Variants in PRKG1 observed in about 807,000 individuals in gnomAD.
PRKG1 encodes the protein cGMP-dependent protein kinase 1.
PRKG1 carries 35 observed loss-of-function variants against 88.1 expected under a neutral mutation model. The observed-to-expected ratio is 0.40, with a 90% CI of 0.30 to 0.53. The LOEUF is 0.53. Ranked by LOEUF, PRKG1 falls within the 20% of genes least tolerant of loss-of-function variation. The pLI, the probability that PRKG1 is intolerant of heterozygous loss-of-function variation, is 0.59. For missense variants in PRKG1, 540 were observed against 839.8 expected (o/e 0.64, Z 4.41); for synonymous variants, 303 against 292.5 (o/e 1.04, Z -0.37).
Position 51,633,489 on chromosome 10 carries a change from T to C in PRKG1, c.592+165653T>C, listed in dbSNP as rs533298117. Among the ~76,000 whole-genome samples the C allele has an allele frequency of 7.0e-4, 107 of 152,258 alleles. 2 individuals are homozygous for C. The South Asian group carries it at 0.021, about 30-fold the overall frequency. ...GAAAAAAAAGAAAACATGATATTCC[T>C]GGTGAAGCTTTTGTTTTCACAACAA... is the stretch of plus-strand genomic sequence containing the variant. On this transcript the variant is annotated intron_variant, in intron 3 of 17. Coordinates refer to ENST00000373980, the MANE Select transcript of PRKG1 (RefSeq NM_006258.4).
chr10:51,073,515 A>G (rs1843866855), upstream of PRKG1, among the ~76,000 whole-genome samples: 3 of 152,054 alleles, frequency 2.0e-5, no homozygotes, highest in Admixed American at 6.5e-5. Context: ...CAAATGGAAG[A>G]AGCAAGGCCC....
chr10:51,871,206 A>T (rs1386699398), intron 4 of PRKG1, among the ~76,000 whole-genome samples: 1 of 152,198 alleles, frequency 6.6e-6, no homozygotes, highest in Non-Finnish European at 1.5e-5. Context: ...GTAAATATCC[A>T]TTGTCTCCTT....
intron 8 of PRKG1, among the ~76,000 whole-genome samples, chr10:52,151,545 A>C (rs923162505): frequency 1.7e-4 from 26 of 152,226 alleles, no homozygotes; most frequent in Non-Finnish European, 1.5e-4. Context: ...AATCTGGTCC[A>C]GAAAAGCAGT....
intron 5 of PRKG1, among the ~76,000 whole-genome samples, chr10:51,986,818 G>A (rs1274255471): frequency 6.6e-6 from 1 of 152,150 alleles, no homozygotes; most frequent in Non-Finnish European, 1.5e-5. Context: ...GCCTCTCAGA[G>A]CAGCTGGCAT....
intron 3 of PRKG1, among the ~76,000 whole-genome samples, chr10:51,676,942 A>C (rs143088646): frequency 4.3e-4 from 66 of 152,324 alleles, no homozygotes; most frequent in African/African-American, 1.3e-3. Flanking sequence ...TACACAAATC[A>C]TAAGTGTACA....
intron 3 of PRKG1, among the ~76,000 whole-genome samples, chr10:51,775,884 G>A (rs1041163013): frequency 1.8e-4 from 27 of 151,924 alleles, no homozygotes; most frequent in African/African-American, 5.8e-4. Flanking sequence ...GCGCCAGCCT[G>A]ATTTTTCAAT....
At chr10:51,479,871 T>G (rs1011306942) in intron 3 of PRKG1, among the ~76,000 whole-genome samples, 1 of 152,066 alleles carries the variant, frequency 6.6e-6, no homozygotes, top group Non-Finnish European at 1.5e-5. Context: ...ATTTTAGGTT[T>G]CTCCCGATTT....
intron 5 of PRKG1, among the ~76,000 whole-genome samples, chr10:51,970,333 G>T (rs1479897392): frequency 6.6e-6 from 1 of 151,644 alleles, no homozygotes. Flanking sequence ...ATAGGATCAA[G>T]TATTACATTT....
chr10:51,700,233 A>G (rs546996878), intron 3 of PRKG1, among the ~76,000 whole-genome samples: 1 of 152,164 alleles, frequency 6.6e-6, no homozygotes, highest in South Asian at 2.1e-4. Context: ...GTTGCTTCCT[A>G]TAACCGCTGT....
At chr10:51,410,181 A>T (rs977567607) in intron 2 of PRKG1, among the ~76,000 whole-genome samples, 1 of 151,942 alleles carries the variant, frequency 6.6e-6, no homozygotes, top group African/African-American at 2.4e-5. Context: ...TACTATATAT[A>T]CTAATAGGAT....
chr10:51,278,055 G>T (rs13085432), intron 2 of PRKG1, among the ~76,000 whole-genome samples: 1 of 152,138 alleles, frequency 6.6e-6, no homozygotes. Context: ...AATGCTTCCA[G>T]TTTTTGCCCA....
At chr10:52,188,537 A>T (rs1439642328) in intron 9 of PRKG1, among the ~76,000 whole-genome samples, 1 of 151,490 alleles carries the variant, frequency 6.6e-6, no homozygotes, top group African/African-American at 2.4e-5. Context: ...AATATATCTT[A>T]ATGTGCATTG....
intron 2 of PRKG1, among the ~76,000 whole-genome samples, chr10:51,272,400 A>T (rs2132179835): frequency 6.6e-6 from 1 of 152,208 alleles, no homozygotes; most frequent in South Asian, 2.1e-4. Context: ...AGAAATGCCT[A>T]ATGTAGATGA....
At chr10:52,009,377 C>T (rs1453433785) in intron 5 of PRKG1, among the ~76,000 whole-genome samples, 1 of 152,002 alleles carries the variant, frequency 6.6e-6, no homozygotes, top group Admixed American at 6.6e-5. Context: ...TATGCACCAA[C>T]AGCATCCAAG....
intron 5 of PRKG1, among the ~76,000 whole-genome samples, chr10:51,938,744 A>G (rs988837184): frequency 6.6e-6 from 1 of 151,932 alleles, no homozygotes; most frequent in African/African-American, 2.4e-5. Context: ...AGAGTACCCA[A>G]AATCAAGTCC....
At chr10:51,914,075 T>A (rs1473297745) in intron 5 of PRKG1, among the ~76,000 whole-genome samples, 1 of 152,168 alleles carries the variant, frequency 6.6e-6, no homozygotes, top group African/African-American at 2.4e-5. Flanking sequence ...ATTTTCTTTC[T>A]TCTCTTATGT....
At chr10:51,304,443 T>C (rs1168128215) in intron 2 of PRKG1, among the ~76,000 whole-genome samples, 1 of 152,174 alleles carries the variant, frequency 6.6e-6, no homozygotes, top group African/African-American at 2.4e-5. Context: ...GATTGGACTT[T>C]CTGATAAGAC....
At chr10:51,897,803 A>T (rs185369966) in intron 4 of PRKG1, among the ~76,000 whole-genome samples, 2 of 151,958 alleles carry the variant, frequency 1.3e-5, no homozygotes, top group African/African-American at 4.8e-5. Flanking sequence ...GTGGACTCTC[A>T]TCTGGTCTAC....
chr10:51,631,938 GT>G (rs561054871), intron 3 of PRKG1, among the ~76,000 whole-genome samples: 1 of 152,148 alleles, frequency 6.6e-6, no homozygotes, highest in Non-Finnish European at 1.5e-5. Context: ...AGAAAAGCAG[GT>G]TACAAGTTTC....
Sources: gnomAD v4.1 joint callset for allele counts (sites outside exome capture counted in the v4.1 genomes callset) on GRCh38, gnomAD v4.1.1 for gene constraint, MANE v1.5 for transcripts, NCBI Gene and HGNC (gene_info 2026-07-23, HGNC 2026-07-21) for gene names.